Variants in FYN observed in about 807,000 individuals in gnomAD.
The protein encoded by FYN is FYN proto-oncogene, Src family tyrosine kinase.
Under a neutral mutation model 70.2 loss-of-function variants are expected in FYN, and 10 were observed. The ratio of observed to expected loss-of-function variants is 0.14; its 90% confidence interval spans 0.09 to 0.24. FYN has a LOEUF of 0.24. FYN is among the 10% of genes least tolerant of loss of function. The pLI, the probability that FYN is intolerant of heterozygous loss-of-function variation, is 1.00. For synonymous variants in FYN, 236 were observed against 248.6 expected, an observed-to-expected ratio of 0.95 and a Z score of 0.48; for missense variants, 319 against 673.1, an observed-to-expected ratio of 0.47 and a Z score of 5.82.
chr6:111,678,548 C>T (rs938249277), intron 12 of FYN, among the ~76,000 whole-genome samples: 1 of 152,054 alleles, frequency 6.6e-6, no homozygotes, highest in Non-Finnish European at 1.5e-5. Context: ...CTATCTTGAC[C>T]CCAATGATGC....
rs891649939 is a variant in FYN, at chr6:111,796,606, GA to G, written c.-81-15972del. 3.4e-4 allele frequency among the ~76,000 whole-genome samples: 52 copies of G among 152,006 alleles called. 1 individual carries two copies. Among genetic ancestry groups the G allele is most frequent in the African/African-American group, 1.1e-3 (44 of 41,474 alleles). ...TATCTGCTGGTGGTCTCCAATTGAA[GA>G]AAAAAAATGCATACTTTTTATCATA... On this transcript the variant is annotated intron_variant, in intron 2 of 13. Transcript: ENST00000354650.
chr6:111,679,483 G>A (rs1479267230), intron 12 of FYN, among the ~76,000 whole-genome samples: 1 of 152,224 alleles, frequency 6.6e-6, no homozygotes, highest in Non-Finnish European at 1.5e-5. Context: ...CCAGTACTGA[G>A]TACAGTGTCT....
intron 3 of FYN, among the ~76,000 whole-genome samples, chr6:111,751,575 A>G (rs778407863): frequency 1.3e-5 from 2 of 152,176 alleles, no homozygotes; most frequent in Non-Finnish European, 2.9e-5. Context: ...GAGATATTTT[A>G]AATCATATAG....
intron 3 of FYN, among the ~76,000 whole-genome samples, chr6:111,756,419 A>T (rs1802738836): frequency 6.6e-6 from 1 of 152,016 alleles, no homozygotes; most frequent in Non-Finnish European, 1.5e-5. Context: ...AAAAAAGTAA[A>T]AAAAAAATCT....
At position 111,702,898 on chromosome 6, in the gene FYN, T is replaced by C. The variant is rs1392913492; in HGVS notation, c.684A>G (p.Val228=). The C allele has an allele frequency of 6.2e-7, 1 of 1,614,048 alleles. No individual in the cohort carries two copies. Among genetic ancestry groups the C allele is most frequent in the African/African-American group, 1.3e-5 (1 of 75,042 alleles). ...AATTAAGGTTACCTGAGTAATGTTG[T>C]ACAAGCTGCTGAAGTGTTTCAAACT... is the stretch of plus-strand genomic sequence containing the variant. ...RAQFETLQQL[V]QHYSERAAGL... Residue 228 remains valine, a synonymous_variant, in exon 8 of 14, where the codon GTA becomes GTG. Coordinates refer to ENST00000354650, the MANE Select transcript of FYN (RefSeq NM_002037.5).
intron 3 of FYN, among the ~76,000 whole-genome samples, chr6:111,732,451 C>T (rs967173160): frequency 2.0e-5 from 3 of 152,170 alleles, no homozygotes; most frequent in African/African-American, 7.2e-5. Flanking sequence ...ATCTTGCAGC[C>T]CAAATCCACG....
intron 2 of FYN, among the ~76,000 whole-genome samples, chr6:111,783,640 A>G (rs1771257268): frequency 6.6e-6 from 1 of 152,232 alleles, no homozygotes; most frequent in African/African-American, 2.4e-5. Context: ...GACTCCCGGT[A>G]TAAAGTTAAA....
chr6:111,824,082 C>T (rs1772758898), intron 2 of FYN, among the ~76,000 whole-genome samples: 1 of 152,166 alleles, frequency 6.6e-6, no homozygotes, highest in Non-Finnish European at 1.5e-5. Flanking sequence ...AGCATAGCAA[C>T]TCTACAAAGG....
At chr6:111,678,106 ATAT>A (rs1798617749) in intron 12 of FYN, among the ~76,000 whole-genome samples, 1 of 118,552 alleles carries the variant, frequency 8.4e-6, no homozygotes, top group African/African-American at 4.4e-5. Flanking sequence ...GAAGGCCATA[ATAT>A]GTGTGTGTGT....
chr6:111,758,197 C>T (rs774200029), intron 3 of FYN, among the ~76,000 whole-genome samples: 21 of 152,120 alleles, frequency 1.4e-4, no homozygotes, highest in Non-Finnish European at 2.4e-4. Flanking sequence ...GTATATAGCA[C>T]TAAAATCATA....
intron 12 of FYN, 75 bp from the exon 13 acceptor site, chr6:111,674,705 C>G (rs1184403183): frequency 6.7e-7 from 1 of 1,500,328 alleles, no homozygotes; most frequent in Non-Finnish European, 9.1e-7. Flanking sequence ...GGGAAAGGCA[C>G]TTGGCAAGCT....
At chr6:111,817,041 C>A (rs941095904) in intron 2 of FYN, among the ~76,000 whole-genome samples, 24 of 152,074 alleles carry the variant, frequency 1.6e-4, no homozygotes, top group African/African-American at 5.5e-4. Flanking sequence ...TTTATGCAGG[C>A]ATTAAAATTT....
At chr6:111,846,939 A>C (rs1234240123) in intron 1 of FYN, among the ~76,000 whole-genome samples, 1 of 151,804 alleles carries the variant, frequency 6.6e-6, no homozygotes, top group African/African-American at 2.4e-5. Context: ...CACAAACACA[A>C]ACACAAACAC....
intron 12 of FYN, among the ~76,000 whole-genome samples, chr6:111,681,814 T>A (rs1798792560): frequency 6.6e-6 from 1 of 152,056 alleles, no homozygotes; most frequent in South Asian, 2.1e-4. Context: ...ATGCCAGCAA[T>A]AGTCTTGTTC....
chr6:111,691,751 GA>G (rs1799327795), intron 12 of FYN, among the ~76,000 whole-genome samples: 1 of 152,192 alleles, frequency 6.6e-6, no homozygotes, highest in South Asian at 2.1e-4. Flanking sequence ...AAATAAAGGG[GA>G]AAAGGGATGT....
intron 8 of FYN, among the ~76,000 whole-genome samples, chr6:111,700,561 G>A (rs1472607012): frequency 6.6e-6 from 1 of 152,172 alleles, no homozygotes; most frequent in African/African-American, 2.4e-5. Context: ...CATGAGCCCA[G>A]GTACGATACA....
intron 1 of FYN, among the ~76,000 whole-genome samples, chr6:111,868,837 A>C (rs1387066616): frequency 9.0e-6 from 1 of 111,530 alleles, no homozygotes; most frequent in African/African-American, 8.5e-5. Context: ...AAACCACTTC[A>C]TATTATTATT....
intron 12 of FYN, among the ~76,000 whole-genome samples, chr6:111,691,340 C>G (rs1422102161): frequency 6.6e-6 from 1 of 152,202 alleles, no homozygotes; most frequent in Non-Finnish European, 1.5e-5. Context: ...GGGAAACTCA[C>G]AACTGTTTTG....
intron 5 of FYN, among the ~76,000 whole-genome samples, chr6:111,708,434 C>G (rs933011765): frequency 2.0e-5 from 3 of 152,096 alleles, no homozygotes; most frequent in African/African-American, 7.3e-5. Context: ...ATGAGCTGCA[C>G]AGTACTGCTT....
Sources: gnomAD v4.1 joint callset for allele counts (sites outside exome capture counted in the v4.1 genomes callset) on GRCh38, gnomAD v4.1.1 for gene constraint, MANE v1.5 for transcripts, NCBI Gene and HGNC (gene_info 2026-07-23, HGNC 2026-07-21) for gene names.